Variants in SLFN5 observed in about 807,000 individuals in gnomAD.
The protein encoded by SLFN5 is schlafen family member 5.
SLFN5 carries 34 observed loss-of-function variants against 48.5 expected under a neutral mutation model. The observed-to-expected ratio is 0.70, with a 90% CI of 0.53 to 0.93. The LOEUF (loss-of-function observed/expected upper bound fraction) is 0.93. SLFN5 is among the 40% of genes least tolerant of loss of function. SLFN5 has a pLI of 0.00. For missense variants in SLFN5, 1,006 were observed against 1,071.3 expected, an observed-to-expected ratio of 0.94 and a Z score of 0.85; for synonymous variants, 387 against 396.2, an observed-to-expected ratio of 0.98 and a Z score of 0.28.
At chr17:35,260,044 T>C (rs1321067948) in intron 2 of SLFN5, among the ~76,000 whole-genome samples, 1 of 152,252 alleles carries the variant, frequency 6.6e-6, no homozygotes, top group Admixed American at 6.5e-5. Context: ...TTGCATTTAA[T>C]TATTTAGGAA....
intron 2 of SLFN5, 96 bp downstream of exon 2, chr17:35,259,798 G>C: frequency 7.2e-7 from 1 of 1,397,370 alleles, no homozygotes; most frequent in Non-Finnish European, 9.7e-7. Context: ...CTTGGAATCT[G>C]GGGAAAGAGA....
intron 3 of SLFN5, among the ~76,000 whole-genome samples, chr17:35,263,156 G>C (rs1055666576): frequency 6.6e-6 from 1 of 151,916 alleles, no homozygotes; most frequent in Admixed American, 6.6e-5. Flanking sequence ...TTTGAGACAG[G>C]ATCTCACTCT....
At position 35,266,939 on chromosome 17, in the gene SLFN5, A is replaced by C. The variant is rs1416575217; in HGVS notation, c.*1051A>C. On this transcript the variant is annotated 3_prime_UTR_variant, in exon 5 of 5. Coordinates refer to ENST00000299977, the MANE Select transcript of SLFN5 (RefSeq NM_144975.4). ...TTTTCTGAGAGACAGAAACTAAAAA[A>C]TTCAGAGTTAATTCACTATTAAAAA... The C allele has an allele frequency of 6.6e-6, 1 of 152,250 alleles. No homozygotes were observed. The highest frequency in any genetic ancestry group is 1.5e-5 in the Non-Finnish European group (1 of 68,044). The allele number at this position is 152,250 out of a possible 1,614,324, so 9.4% of individuals were successfully genotyped here.
In SLFN5 at chr17:35,272,907, T is replaced by C. The variant is rs1438935176; in HGVS notation, c.*7019T>C. 2 of 152,192 alleles carry C rather than the reference T, an allele frequency of 1.3e-5. No individual in the cohort carries two copies. The highest frequency in any genetic ancestry group is 4.8e-5 in the African/African-American group (2 of 41,446). The allele number at this position is 152,192 out of a possible 1,614,324, so 9.4% of individuals were successfully genotyped here. ...TCTACTGAGAACAATCCGGCAGTAG[T>C]TAACAAAATTGTGAATGCATATATC... On this transcript the variant is annotated 3_prime_UTR_variant, in exon 5 of 5. Transcript: ENST00000299977.
chr17:35,264,256 A>C lies in SLFN5; in HGVS notation c.1212A>C (p.Arg404Ser). The C allele has an allele frequency of 1.9e-6, 3 of 1,614,210 alleles. No homozygotes were observed. The highest frequency in any genetic ancestry group is 2.5e-6 in the Non-Finnish European group (3 of 1,180,056). The change falls in exon 4 of 5, where the codon AGA becomes AGC. Residue 404 changes from arginine (R) to serine (S), a missense_variant. Arg to Ser is a moderately radical substitution (Grantham distance 110, BLOSUM62 -1). Transcript: ENST00000299977. ...TCTTCTCACAACATAAAGGACTCAG[A>C]GACTTAATAAATACAGAAATGCGCC... Reference protein sequence around the residue: ...KELFSQHKGLRDLINTEMRPF... With the variant: ...KELFSQHKGLSDLINTEMRPF...
chr17:35,271,912 T>A lies in SLFN5; in HGVS notation c.*6024T>A, dbSNP rs1904839693. On this transcript the variant is annotated 3_prime_UTR_variant, in exon 5 of 5. Transcript: ENST00000299977. ...TGGGTGTGGTGGTGTGCACCTATAGTCCTAGCTACTCGGGAGGCTGAGGTG... is the reference window on the plus strand; with the variant it reads ...TGGGTGTGGTGGTGTGCACCTATAGACCTAGCTACTCGGGAGGCTGAGGTG... 1 of 152,134 alleles carries A rather than the reference T, an allele frequency of 6.6e-6. No homozygotes were observed. Among genetic ancestry groups the A allele is most frequent in the South Asian group, 2.1e-4 (1 of 4,816 alleles). The allele number at this position is 152,134 out of a possible 1,614,324, so 9.4% of individuals were successfully genotyped here.
At chr17:35,255,615 G>T (rs1031214190) in intron 1 of SLFN5, among the ~76,000 whole-genome samples, 2 of 152,138 alleles carry the variant, frequency 1.3e-5, no homozygotes, top group African/African-American at 4.8e-5. Context: ...GTCTGCCTGA[G>T]CAGAAAGCTT....
intron 1 of SLFN5, among the ~76,000 whole-genome samples, chr17:35,245,526 C>G (rs11657549): frequency 0.52 from 79,186 of 151,988 alleles, 21,397 homozygotes; most frequent in Middle Eastern, 0.6. Flanking sequence ...CTACTATATA[C>G]TATCAGAAAA....
chr17:35,259,785 T>G (rs936048961), intron 2 of SLFN5, 83 bp downstream of exon 2: 1 of 1,456,676 alleles, frequency 6.9e-7, no homozygotes, highest in African/African-American at 1.4e-5. Context: ...GGATATGGTA[T>G]TCCTTGGAAT....
At chr17:35,250,658 C>CAAA (rs58089633) in intron 1 of SLFN5, among the ~76,000 whole-genome samples, 3 of 134,156 alleles carry the variant, frequency 2.2e-5, no homozygotes, top group East Asian at 4.4e-4. Flanking sequence ...AGACTCATCT[C>CAAA]AAAAAAAAAA....
intron 1 of SLFN5, among the ~76,000 whole-genome samples, chr17:35,248,207 C>T (rs759967700): frequency 3.9e-5 from 6 of 152,150 alleles, no homozygotes; most frequent in Non-Finnish European, 8.8e-5. Context: ...CCTTTACTGG[C>T]TATTTTGGGG....
intron 3 of SLFN5, among the ~76,000 whole-genome samples, chr17:35,262,481 T>C (rs1308725689): frequency 1.3e-5 from 2 of 151,756 alleles, no homozygotes; most frequent in African/African-American, 4.8e-5. Flanking sequence ...CTAAAACATA[T>C]ACCCAAATAC....
chr17:35,272,972 A>G lies in SLFN5; in HGVS notation c.*7084A>G, dbSNP rs905073929. The G allele has an allele frequency of 4.0e-5, 2 of 50,592 alleles. No individual in the cohort carries two copies. The highest frequency in any genetic ancestry group is 1.6e-4 in the African/African-American group (1 of 6,212). The allele number at this position is 50,592 out of a possible 1,614,324, so 3.1% of individuals were successfully genotyped here. On this transcript the variant is annotated 3_prime_UTR_variant, in exon 5 of 5. Coordinates refer to ENST00000299977, the MANE Select transcript of SLFN5 (RefSeq NM_144975.4). ...TTTCTCTTTTGGGAATTTATTCTAC[A>G]TATATATTCAAACGTGTGAAATACT... is the stretch of plus-strand genomic sequence containing the variant.
At chr17:35,263,774 G>T (rs1476744619) in intron 3 of SLFN5, among the ~76,000 whole-genome samples, 1 of 127,798 alleles carries the variant, frequency 7.8e-6, no homozygotes, top group Non-Finnish European at 1.5e-5. Context: ...AGTGAGCCGA[G>T]ATCGCACCAC....
Position 35,265,417 on chromosome 17 carries a change from T to C in SLFN5, c.2205T>C (p.Pro735=). Reference sequence around the variant, plus strand: ...AGGAAGCCCGACAAAATCCTCCACCTAACCTCCCCCCTGGGTCCCTGGTGA... The same window carrying C: ...AGGAAGCCCGACAAAATCCTCCACCCAACCTCCCCCCTGGGTCCCTGGTGA... ...VMQEARQNPP[P]NLPPGSLVML... is the part of the protein sequence containing the mutation. Residue 735 remains proline, a synonymous_variant, in exon 5 of 5, where the codon CCT becomes CCC. Transcript: ENST00000299977. 1 of 1,614,188 alleles carries C rather than the reference T, an allele frequency of 6.2e-7. No individual in the cohort carries two copies. Among genetic ancestry groups the C allele is most frequent in the South Asian group, 1.1e-5 (1 of 91,078 alleles).
rs368303291 is a variant in SLFN5 at position 35,258,684 on chromosome 17, T to C, written c.-7T>C. On this transcript the variant is annotated 5_prime_UTR_variant, in exon 2 of 5. Transcript: ENST00000299977. ...TTCAGGATAGGAATAGGCCAAGTGC[T>C]GAGAAGATGAGTCTTAGGATTGATG... is the stretch of plus-strand genomic sequence containing the variant. 1.9e-6 allele frequency: 3 copies of C among 1,608,416 alleles called. No homozygotes were observed. Among genetic ancestry groups the C allele is most frequent in the African/African-American group, 2.7e-5 (2 of 74,812 alleles).
Position 35,265,434 on chromosome 17 carries a change from C to A in SLFN5, c.2222C>A (p.Ser741Tyr). ...QNPPPNLPPGSLVMLYEPKWA... is the reference protein window; with the variant it reads ...QNPPPNLPPGYLVMLYEPKWA... ...CCTCCACCTAACCTCCCCCCTGGGT[C>A]CCTGGTGATGCTCTATGAACCTAAA... is the stretch of plus-strand genomic sequence containing the variant. The change falls in exon 5 of 5, where the codon TCC becomes TAC. Residue 741 changes from serine (S) to tyrosine (Y), a missense_variant. Coordinates refer to ENST00000299977, the MANE Select transcript of SLFN5 (RefSeq NM_144975.4). The A allele has an allele frequency of 6.2e-7, 1 of 1,614,190 alleles. No homozygotes were observed. The highest frequency in any genetic ancestry group is 8.5e-7 in the Non-Finnish European group (1 of 1,180,028).
In SLFN5 at chr17:35,266,202, G is replaced by A. The variant is rs763088397; in HGVS notation, c.*314G>A. On this transcript the variant is annotated 3_prime_UTR_variant, in exon 5 of 5. Coordinates refer to ENST00000299977, the MANE Select transcript of SLFN5 (RefSeq NM_144975.4). ...TGCGCGCGCGCACGTGCACATGTGT[G>A]TAGGTAGATGGAGGGGGTGATTATT... The A allele has an allele frequency of 4.9e-5, 10 of 203,236 alleles. No individual in the cohort carries two copies. The South Asian group carries it at 7.3e-4, about 15-fold the overall frequency. 12.6% of individuals were successfully genotyped at this position (203,236 alleles called of 1,614,324 possible).
chr17:35,247,471 A>G (rs1250185780), intron 1 of SLFN5, among the ~76,000 whole-genome samples: 1 of 152,114 alleles, frequency 6.6e-6, no homozygotes, highest in African/African-American at 2.4e-5. Context: ...GTGGACTCCC[A>G]TTTTCAAACA....
Sources: allele counts gnomAD v4.1 joint callset (sites outside exome capture counted in the v4.1 genomes callset), GRCh38; gene constraint gnomAD v4.1.1; transcripts MANE v1.5; gene names NCBI Gene and HGNC (gene_info 2026-07-23, HGNC 2026-07-21).